HDAC8: variants seen among roughly 807,000 people sequenced by gnomAD.
HDAC8 encodes histone deacetylase 8.
In HDAC8, 1 loss-of-function variant was observed where a neutral mutation model predicts 32.2. The ratio of observed to expected loss-of-function variants is 0.03; its 90% CI spans 0.01 to 0.15. The LOEUF is 0.15. Ranked by LOEUF, HDAC8 falls within the 10% of genes least tolerant of loss-of-function variation. HDAC8 has a pLI of 1.00. For missense variants in HDAC8, 117 were observed against 300.0 expected (o/e 0.39, Z 4.51); for synonymous variants, 108 against 113.9 (o/e 0.95, Z 0.33).
At chrX:72,363,851 G>T (rs1455815863) in intron 9 of HDAC8, among the ~76,000 whole-genome samples, 1 of 112,432 alleles carries the variant, frequency 8.9e-6, no homozygotes, top group Non-Finnish European at 1.9e-5. Context: ...TGGGATTACA[G>T]GCATGAGCCA....
chrX:72,413,112 GTT>G (rs10716535), intron 9 of HDAC8, among the ~76,000 whole-genome samples: 9 of 105,506 alleles, frequency 8.5e-5, no homozygotes, highest in South Asian at 4.1e-4. Flanking sequence ...TGTGTAACTG[GTT>G]TTTTTTTTTA....
At chrX:72,478,239 AG>A (rs1469043588) in intron 7 of HDAC8, among the ~76,000 whole-genome samples, 1 of 112,361 alleles carries the variant, frequency 8.9e-6, no homozygotes, top group Non-Finnish European at 1.9e-5. Context: ...TGATTCTTAA[AG>A]CCCCTTCCCT....
intron 9 of HDAC8, 94 bp from the exon 10 acceptor site, chrX:72,351,932 C>A: frequency 3.2e-6 from 2 of 624,459 alleles, no homozygotes; most frequent in Non-Finnish European, 5.0e-6. Flanking sequence ...CTCATACTAC[C>A]AACAAGGCAA....
chrX:72,450,763 G>A (rs1265330867), intron 9 of HDAC8, among the ~76,000 whole-genome samples: 1 of 111,062 alleles, frequency 9.0e-6, no homozygotes, highest in Non-Finnish European at 1.9e-5. Flanking sequence ...TCAGTGTCTT[G>A]TAGGACAGCA....
intron 9 of HDAC8, among the ~76,000 whole-genome samples, chrX:72,439,675 T>C (rs2047062263): frequency 9.6e-6 from 1 of 103,630 alleles, no homozygotes; most frequent in Non-Finnish European, 1.9e-5. Flanking sequence ...GTTGCAATCC[T>C]AGTCTCTGAT....
intron 9 of HDAC8, among the ~76,000 whole-genome samples, chrX:72,402,995 T>C (rs1001687725): frequency 1.8e-5 from 2 of 112,049 alleles, no homozygotes; most frequent in Non-Finnish European, 3.8e-5. Context: ...TTGCATGACA[T>C]ATCATTTTTC....
intron 4 of HDAC8, among the ~76,000 whole-genome samples, chrX:72,541,141 G>A (rs1556042485): frequency 9.2e-6 from 1 of 108,842 alleles, no homozygotes; most frequent in Non-Finnish European, 1.9e-5. Flanking sequence ...AACAGGAAAA[G>A]GATGACAGGA....
Position 72,329,995 on chromosome X carries a change from C to T in HDAC8, c.*59G>A, listed in dbSNP as rs190413933. 1.4e-4 allele frequency: 151 copies of T among 1,057,301 alleles called. No individual in the cohort carries two copies. The Admixed American group carries it at 2.7e-3, about 19-fold the overall frequency. The allele number at this position is 1,057,301 out of a possible 1,213,427, so 87.1% of individuals were successfully genotyped here. On this transcript the variant is annotated 3_prime_UTR_variant, in exon 11 of 11. Coordinates refer to ENST00000373573, the MANE Select transcript of HDAC8 (RefSeq NM_018486.3). ...ATTCCACAAACTGCTTGCATAAACA[C>T]GCTGTCTTCATTATAGGCACCACTC... is the stretch of plus-strand genomic sequence containing the variant.
At chrX:72,432,174 A>G (rs1555977710) in intron 9 of HDAC8, among the ~76,000 whole-genome samples, 1 of 109,809 alleles carries the variant, frequency 9.1e-6, no homozygotes, top group African/African-American at 3.3e-5. Flanking sequence ...GGGTCTCACT[A>G]TGTTACCCAG....
chrX:72,341,112 GC>G (rs1274791240), intron 10 of HDAC8, among the ~76,000 whole-genome samples: 4 of 111,738 alleles, frequency 3.6e-5, no homozygotes, highest in African/African-American at 1.3e-4. Context: ...GCCCAGCATG[GC>G]TTGGTGTCCC....
chrX:72,565,689 C>G (rs1039156867), intron 4 of HDAC8, among the ~76,000 whole-genome samples: 5 of 111,847 alleles, frequency 4.5e-5, no homozygotes, highest in Non-Finnish European at 7.5e-5. Context: ...TAGAAGCAAG[C>G]CTTTTCTATG....
chrX:72,329,612 C>G lies in HDAC8; in HGVS notation c.*442G>C. ...CACCTCCCAGTCTGCTGATCAGTAC[C>G]CTCTCTCCCAGGGCTCCACCTGGAT... On this transcript the variant is annotated 3_prime_UTR_variant, in exon 11 of 11. Coordinates refer to ENST00000373573, the MANE Select transcript of HDAC8 (RefSeq NM_018486.3). 1 of 1,143,123 alleles carries G rather than the reference C, an allele frequency of 8.7e-7. No individual in the cohort carries two copies. Among genetic ancestry groups the G allele is most frequent in the Non-Finnish European group, 1.2e-6 (1 of 851,755 alleles). The allele number at this position is 1,143,123 out of a possible 1,213,427, so 94.2% of individuals were successfully genotyped here.
At chrX:72,359,105 G>T (rs1421369792) in intron 9 of HDAC8, among the ~76,000 whole-genome samples, 1 of 107,734 alleles carries the variant, frequency 9.3e-6, no homozygotes, top group African/African-American at 3.4e-5. Context: ...GGGTAGGGCT[G>T]GGGTAGGTGG....
chrX:72,539,324 C>G (rs1323039967), intron 4 of HDAC8, among the ~76,000 whole-genome samples: 1 of 111,014 alleles, frequency 9.0e-6, no homozygotes, highest in Non-Finnish European at 1.9e-5. Context: ...CTCCGCCTCC[C>G]GGGTTCAAGT....
At chrX:72,416,406 C>CTTTTTTTTTTTTTTTTTTTTT (rs2046334576) in intron 9 of HDAC8, among the ~76,000 whole-genome samples, 1 of 2,114 alleles carries the variant, frequency 4.7e-4, no homozygotes, top group Non-Finnish European at 1.1e-3. Flanking sequence ...TGTGTCTTCT[C>CTTTTTTTTTTTTTTTTTTTTT]TGTTTTTTTT....
chrX:72,529,457 C>A (rs1556034497), intron 4 of HDAC8, among the ~76,000 whole-genome samples: 2 of 111,291 alleles, frequency 1.8e-5, no homozygotes, highest in Non-Finnish European at 1.9e-5. Flanking sequence ...GGGCTATGAG[C>A]AATGAATATA....
At chrX:72,459,268 C>T (rs192583551) in intron 9 of HDAC8, among the ~76,000 whole-genome samples, 1 of 111,154 alleles carries the variant, frequency 9.0e-6, no homozygotes, top group Non-Finnish European at 1.9e-5. Context: ...AGGGGCCCAA[C>T]ACATAATTGT....
chrX:72,540,145 T>G (rs1556041617), intron 4 of HDAC8, among the ~76,000 whole-genome samples: 1 of 112,260 alleles, frequency 8.9e-6, no homozygotes, highest in Non-Finnish European at 1.9e-5. Context: ...GTCTGACTCT[T>G]TTCCTCCTCT....
At chrX:72,413,882 A>T (rs2046266096) in intron 9 of HDAC8, among the ~76,000 whole-genome samples, 1 of 112,081 alleles carries the variant, frequency 8.9e-6, no homozygotes, top group African/African-American at 3.2e-5. Context: ...TCCTTATAGC[A>T]GTGGGAGAAT....
Sources: gnomAD v4.1 joint callset for allele counts (sites outside exome capture counted in the v4.1 genomes callset) on GRCh38, gnomAD v4.1.1 for gene constraint, MANE v1.5 for transcripts, NCBI Gene and HGNC (gene_info 2026-07-23, HGNC 2026-07-21) for gene names.